The following THADA variants were observed in gnomAD, a reference collection of about 807,000 sequenced individuals.
The protein encoded by THADA is tRNA (32-2'-O)-methyltransferase regulator THADA.
A neutral mutation model predicts 219.8 loss-of-function variants in THADA; 213 were observed. The observed-to-expected ratio is 0.97, with a 90% CI of 0.87 to 1.09. The LOEUF (loss-of-function observed/expected upper bound fraction) is 1.09, where lower values mean the gene tolerates loss of function less well. Ranked by LOEUF, THADA falls within the 50% of genes least tolerant of loss-of-function variation. THADA has a pLI of 0.00. For synonymous variants in THADA, 1,018 were observed against 828.9 expected (o/e 1.23, Z -3.92); for missense variants, 2,956 against 2,311.3 (o/e 1.28, Z -5.72).
In THADA at chr2:43,451,384, C is replaced by G. The variant is rs543485920; in HGVS notation, c.3837-21082G>C. Reference sequence around the variant, plus strand: ...TCTTTCCAACCTACAGAAGCACATTCCATCCCCCACTGTCCATTATTCCCT... The same window carrying G: ...TCTTTCCAACCTACAGAAGCACATTGCATCCCCCACTGTCCATTATTCCCT... On this transcript the variant is annotated intron_variant, in intron 26 of 37. Coordinates refer to ENST00000405975, the MANE Select transcript of THADA (RefSeq NM_022065.5). Among the ~76,000 whole-genome samples the G allele has an allele frequency of 2.4e-4, 36 of 152,328 alleles. No homozygotes were observed. In the South Asian group the frequency reaches 7.3e-3, roughly 31 times the overall value.
intron 36 of THADA, among the ~76,000 whole-genome samples, chr2:43,266,734 T>G (rs556057338): frequency 2.6e-5 from 4 of 152,284 alleles, no homozygotes; most frequent in African/African-American, 7.2e-5. Context: ...AGTGTGGGTC[T>G]GACTCAAGGA....
chr2:43,291,841 A>G (rs1329356649), intron 33 of THADA, 73 bp from the exon 34 acceptor site: 2 of 1,331,124 alleles, frequency 1.5e-6, no homozygotes, highest in Non-Finnish European at 2.1e-6. Flanking sequence ...GTTTTTGCAG[A>G]TAGTCTGTAA....
intron 24 of THADA, among the ~76,000 whole-genome samples, chr2:43,499,289 T>C (rs1437278330): frequency 6.6e-6 from 1 of 152,152 alleles, no homozygotes; most frequent in Non-Finnish European, 1.5e-5. Flanking sequence ...ACAAATAAAG[T>C]CTCAACAAAT....
At chr2:43,520,524 C>T (rs1450870612) in intron 22 of THADA, among the ~76,000 whole-genome samples, 2 of 151,926 alleles carry the variant, frequency 1.3e-5, no homozygotes, top group East Asian at 1.9e-4. Context: ...CCCATCTCTA[C>T]AAAAAATACA....
intron 25 of THADA, among the ~76,000 whole-genome samples, chr2:43,493,026 G>T (rs1007152319): frequency 1.3e-5 from 2 of 152,142 alleles, no homozygotes; most frequent in Non-Finnish European, 2.9e-5. Context: ...CACCCTTGTG[G>T]CAACCTCATA....
chr2:43,538,070 C>G (rs951841641), intron 21 of THADA, among the ~76,000 whole-genome samples: 7 of 152,066 alleles, frequency 4.6e-5, no homozygotes, highest in African/African-American at 1.7e-4. Context: ...AAAAATCTAC[C>G]TAGTAGTTTC....
In THADA at chr2:43,560,229, G is replaced by T; in HGVS notation, c.2463+5C>A. 6.2e-7 allele frequency: 1 copy of T among 1,608,764 alleles called. No individual in the cohort carries two copies. The highest frequency in any genetic ancestry group is 1.1e-5 in the South Asian group (1 of 89,774). On this transcript the variant is annotated splice_donor_5th_base_variant and intron_variant, in intron 16 of 37. Transcript: ENST00000405975. ...ACCACATTTATACTAGAAAAGTCCTGATACCTGAAAATGTACAGCTGTTTT... is the reference window on the plus strand; with the variant it reads ...ACCACATTTATACTAGAAAAGTCCTTATACCTGAAAATGTACAGCTGTTTT...
At chr2:43,508,583 G>C (rs935387458) in intron 23 of THADA, 65 bp downstream of exon 23, 3 of 1,534,812 alleles carry the variant, frequency 2.0e-6, no homozygotes, top group Non-Finnish European at 2.7e-6. Context: ...ACGTCAAACA[G>C]GTTAGGATAC....
chr2:43,495,879 T>C (rs73925522), intron 25 of THADA, among the ~76,000 whole-genome samples: 2,432 of 152,282 alleles, frequency 0.016, 74 homozygotes, highest in African/African-American at 0.056. Flanking sequence ...TTCCTGTAAG[T>C]ATAAAAGGTA....
chr2:43,455,010 T>C (rs957704586), intron 26 of THADA, among the ~76,000 whole-genome samples: 3 of 152,176 alleles, frequency 2.0e-5, no homozygotes, highest in African/African-American at 7.2e-5. Context: ...GTACTAGGAC[T>C]CATGTTCTTT....
At chr2:43,313,918 TG>T (rs537743040) in intron 31 of THADA, among the ~76,000 whole-genome samples, 1 of 152,328 alleles carries the variant, frequency 6.6e-6, no homozygotes, top group South Asian at 2.1e-4. Flanking sequence ...ACACATGGGA[TG>T]TTAGGCACTT....
At chr2:43,389,643 T>C (rs1388460265) in intron 29 of THADA, among the ~76,000 whole-genome samples, 1 of 152,122 alleles carries the variant, frequency 6.6e-6, no homozygotes, top group East Asian at 1.9e-4. Flanking sequence ...CATTCACACA[T>C]CCTCTCTCCT....
At chr2:43,567,345 A>C (rs1422098371) in intron 14 of THADA, among the ~76,000 whole-genome samples, 1 of 152,078 alleles carries the variant, frequency 6.6e-6, no homozygotes, top group Non-Finnish European at 1.5e-5. Context: ...AAAACACAAC[A>C]AGGGCCAGGC....
intron 9 of THADA, among the ~76,000 whole-genome samples, chr2:43,578,028 T>C (rs1430708426): frequency 2.0e-5 from 3 of 152,214 alleles, no homozygotes; most frequent in Admixed American, 6.5e-5. Flanking sequence ...GTTATTGTCT[T>C]TTTGTTATTG....
chr2:43,234,951 G>T (rs551299325), intron 36 of THADA, among the ~76,000 whole-genome samples: 1 of 150,822 alleles, frequency 6.6e-6, no homozygotes, highest in East Asian at 2.0e-4. Flanking sequence ...GGGATTACAG[G>T]TATGAGCCGC....
chr2:43,387,455 G>A (rs1168891184), intron 29 of THADA, among the ~76,000 whole-genome samples: 2 of 152,118 alleles, frequency 1.3e-5, no homozygotes, highest in African/African-American at 4.8e-5. Flanking sequence ...TCTGAGTTTT[G>A]TATCCCCCTA....
chr2:43,293,351 G>A, intron 31 of THADA, 138 bp from the exon 32 acceptor site: 1 of 955,002 alleles, frequency 1.0e-6, no homozygotes, highest in South Asian at 1.8e-5. Flanking sequence ...ACTGTCATAA[G>A]TGAGTGGCCC....
intron 26 of THADA, among the ~76,000 whole-genome samples, chr2:43,473,045 T>C (rs1183413775): frequency 6.6e-6 from 1 of 152,200 alleles, no homozygotes. Context: ...TGTACACTAC[T>C]GGAGACTTTA....
chr2:43,325,874 T>C (rs1679265503), intron 30 of THADA, among the ~76,000 whole-genome samples: 1 of 152,200 alleles, frequency 6.6e-6, no homozygotes, highest in African/African-American at 2.4e-5. Context: ...TCTAGCTTTT[T>C]TCTTTTTCTT....
Sources: gnomAD v4.1 joint callset for allele counts (sites outside exome capture counted in the v4.1 genomes callset) on GRCh38, gnomAD v4.1.1 for gene constraint, MANE v1.5 for transcripts, NCBI Gene and HGNC (gene_info 2026-07-23, HGNC 2026-07-21) for gene names.